Variants in SLC22A11 observed in about 807,000 individuals in gnomAD.
SLC22A11 encodes the protein solute carrier family 22 member 11, also known as organic anion transporter 4.
A neutral mutation model predicts 49.4 loss-of-function variants in SLC22A11; 42 were observed. That is an observed-to-expected ratio of 0.85 (90% CI 0.66 to 1.10). The LOEUF is 1.10. SLC22A11 is among the 50% of genes least tolerant of loss of function. SLC22A11 has a pLI of 0.00. For synonymous variants in SLC22A11, 304 were observed against 315.8 expected (o/e 0.96, Z 0.40); for missense variants, 685 against 731.6 (o/e 0.94, Z 0.74).
chr11:64,563,936 C>G (rs933600953), intron 4 of SLC22A11, among the ~76,000 whole-genome samples: 1 of 151,948 alleles, frequency 6.6e-6, no homozygotes, highest in African/African-American at 2.4e-5. Context: ...CAAAAAAACC[C>G]AGCACCAAGT....
In SLC22A11 at chr11:64,571,843, C is replaced by CCGAG. The variant is rs2038708439; in HGVS notation, c.*807_*810dup. ...GCATGGGGCGGGGTGCACTGAGGAT[C>CCGAG]CGAGCGAGCAGCCAGGGCTGCAGGA... is the stretch of plus-strand genomic sequence containing the variant. On this transcript the variant is annotated 3_prime_UTR_variant, in exon 10 of 10. Transcript: ENST00000301891. 3 of 152,474 alleles carry CCGAG rather than the reference C, an allele frequency of 2.0e-5. No individual in the cohort carries two copies. The South Asian group carries it at 6.2e-4, about 32-fold the overall frequency. The allele number at this position is 152,474 out of a possible 1,614,324, so 9.4% of individuals were successfully genotyped here. A position where few individuals can be genotyped will look rare whatever the true frequency, so the allele number is the denominator to read the frequency against.
Position 64,567,606 on chromosome 11 carries a change from C to G in SLC22A11, c.1066C>G (p.Leu356Val). The change falls in exon 7 of 10, where the codon CTA (leucine) becomes GTA (valine). Residue 356 changes from leucine to valine, a missense_variant. Coordinates refer to ENST00000301891, the MANE Select transcript of SLC22A11 (RefSeq NM_018484.4). ...SCAMLVVNFS[L>V]LISYYGLVFD... The stretch of plus-strand genomic sequence containing the variant: ...TTCCAGCCTTGCCCGCAGTTTCTCT[C>G]TATTGATCTCCTACTATGGGCTGGT... 1 of 1,614,024 alleles carries G rather than the reference C, an allele frequency of 6.2e-7. No homozygotes were observed. Among genetic ancestry groups the G allele is most frequent in the Non-Finnish European group, 8.5e-7 (1 of 1,180,002 alleles).
intron 2 of SLC22A11, among the ~76,000 whole-genome samples, chr11:64,561,602 A>AATTTATTTATTTATTTATTTATTTATTT (rs35789932): frequency 6.9e-6 from 1 of 144,862 alleles, no homozygotes; most frequent in Non-Finnish European, 1.5e-5. Flanking sequence ...ACACCTGGCT[A>AATTTATTTATTTATTTATTTATTTATTT]ATTTATTTAT....
In SLC22A11 at chr11:64,568,744, A is replaced by G. The variant is rs776152077; in HGVS notation, c.1348A>G (p.Ile450Val). The G allele has an allele frequency of 5.0e-6, 8 of 1,613,754 alleles. No individual in the cohort carries two copies. The Admixed American group carries it at 1.2e-4, about 24-fold the overall frequency. Residue 450 changes from isoleucine (I) to valine (V), a missense_variant, in exon 8 of 10, where the codon ATC (isoleucine) becomes GTC (valine). Coordinates refer to ENST00000301891, the MANE Select transcript of SLC22A11 (RefSeq NM_018484.4). Reference sequence around the variant, plus strand: ...TGGGATAAGCCTAACCTGCCTCACCATCTACAAGGCTGAACTCTTTCCAAC... The same window carrying G: ...TGGGATAAGCCTAACCTGCCTCACCGTCTACAAGGCTGAACTCTTTCCAAC... Reference protein sequence around the residue: ...CFGISLTCLTIYKAELFPTPV... With the variant: ...CFGISLTCLTVYKAELFPTPV...
chr11:64,565,417 G>T lies in SLC22A11; in HGVS notation c.1058+80G>T, dbSNP rs767996871. On this transcript the variant is annotated intron_variant, in intron 6 of 9. Coordinates refer to ENST00000301891, the MANE Select transcript of SLC22A11 (RefSeq NM_018484.4). The surrounding 1 kb of genome is among the most constrained non-coding windows in gnomAD (Gnocchi z 4.1). ...AGCTGGGACAGGCAGGAGGCAGAGCGTCCAGGGGAAACAGCACCCGCAGGC... is the reference window on the plus strand; with the variant it reads ...AGCTGGGACAGGCAGGAGGCAGAGCTTCCAGGGGAAACAGCACCCGCAGGC... The T allele has an allele frequency of 8.1e-7, 1 of 1,227,184 alleles. No homozygotes were observed. The highest frequency in any genetic ancestry group is 1.3e-5 in the South Asian group (1 of 77,338). 76.0% of individuals were successfully genotyped at this position (1,227,184 alleles called of 1,614,324 possible). A position where few individuals can be genotyped will look rare whatever the true frequency, so the allele number is the denominator to read the frequency against.
intron 8 of SLC22A11, among the ~76,000 whole-genome samples, chr11:64,569,239 G>A (rs912190625): frequency 6.6e-6 from 1 of 152,190 alleles, no homozygotes; most frequent in Non-Finnish European, 1.5e-5. Flanking sequence ...TGAAGGACTG[G>A]CTCAGCAGAA....
intron 9 of SLC22A11, among the ~76,000 whole-genome samples, chr11:64,570,309 A>T (rs190432869): frequency 1.3e-5 from 2 of 152,374 alleles, no homozygotes; most frequent in East Asian, 3.9e-4. Flanking sequence ...CTCAGAGAAC[A>T]GATGGTGCCA....
rs2038587648 is a variant in SLC22A11 at position 64,564,008 on chromosome 11, C to A, written c.822-300C>A. On this transcript the variant is annotated intron_variant, in intron 4 of 9. Coordinates refer to ENST00000301891, the MANE Select transcript of SLC22A11 (RefSeq NM_018484.4). The surrounding 1 kb of genome is among the most constrained non-coding windows in gnomAD (Gnocchi z 4.2). Reference sequence around the variant, plus strand: ...GTGAAGCAGCCAACTCTAGGGACACCCATGCCCAGGCCACCTGTGCCCTGG... The same window carrying A: ...GTGAAGCAGCCAACTCTAGGGACACACATGCCCAGGCCACCTGTGCCCTGG... Among the ~76,000 whole-genome samples the A allele has an allele frequency of 6.6e-6, 1 of 152,132 alleles. No individual in the cohort carries two copies. Among genetic ancestry groups the A allele is most frequent in the Admixed American group, 6.5e-5 (1 of 15,288 alleles).
chr11:64,572,628 G>A lies in SLC22A11; in HGVS notation c.*1586G>A, dbSNP rs115812004. ...CACACCACGGTTGTAGCTCCAAACTGGTCCCTGATGTCTACATTGCACTCT... is the reference window on the plus strand; with the variant it reads ...CACACCACGGTTGTAGCTCCAAACTAGTCCCTGATGTCTACATTGCACTCT... On this transcript the variant is annotated 3_prime_UTR_variant, in exon 10 of 10. Transcript: ENST00000301891. The A allele has an allele frequency of 7.8e-3, 1,184 of 152,264 alleles. 13 individuals carry two copies. Among genetic ancestry groups the A allele is most frequent in the African/African-American group, 0.026 (1,063 of 41,512 alleles). 9.4% of individuals were successfully genotyped at this position (152,264 alleles called of 1,614,324 possible).
Position 64,562,436 on chromosome 11 carries a change from G to T in SLC22A11, c.821+1G>T. 2 of 1,572,254 alleles carry T rather than the reference G, an allele frequency of 1.3e-6. No individual in the cohort carries two copies. The highest frequency in any genetic ancestry group is 8.6e-7 in the Non-Finnish European group (1 of 1,158,066). The stretch of plus-strand genomic sequence containing the variant: ...TCTTTGCCATCTCCCTGATATCCTG[G>T]TCAGTATGATGTGGGACCTTTTCCT... On this transcript the variant is annotated splice_donor_variant, in intron 4 of 9. Transcript: ENST00000301891. LOFTEE classifies it high-confidence loss of function. This position sits in a 1 kb window ranked among gnomAD's most constrained non-coding sequence, Gnocchi z 4.4.
intron 7 of SLC22A11, 129 bp downstream of exon 7, chr11:64,567,942 G>A: frequency 1.0e-6 from 1 of 974,286 alleles, no homozygotes; most frequent in East Asian, 2.6e-5. Context: ...GAATGAGGGA[G>A]GCTATGAGGA....
At chr11:64,568,604 G>A (rs1236495086) in intron 7 of SLC22A11, 66 bp from the exon 8 acceptor site, 8 of 1,360,328 alleles carry the variant, frequency 5.9e-6, no homozygotes, top group African/African-American at 4.3e-5. Context: ...CTGGCTGGCC[G>A]CACACTGACT....
chr11:64,564,462 G>C lies in SLC22A11; in HGVS notation c.942+34G>C, dbSNP rs1262850188. 1 of 1,611,454 alleles carries C rather than the reference G, an allele frequency of 6.2e-7. No individual in the cohort carries two copies. The highest frequency in any genetic ancestry group is 1.7e-5 in the Admixed American group (1 of 59,888). On this transcript the variant is annotated intron_variant, in intron 5 of 9. Transcript: ENST00000301891. The surrounding 1 kb of genome is among the most constrained non-coding windows in gnomAD (Gnocchi z 4.2). ...CTGCTGTCTGCGAGACTTGACCTGGGACAGGACGTGCACTGAGGGATCATC... is the reference window on the plus strand; with the variant it reads ...CTGCTGTCTGCGAGACTTGACCTGGCACAGGACGTGCACTGAGGGATCATC...
intron 1 of SLC22A11, among the ~76,000 whole-genome samples, chr11:64,558,645 T>C (rs1407120877): frequency 6.6e-6 from 1 of 152,162 alleles, no homozygotes; most frequent in Non-Finnish European, 1.5e-5. Flanking sequence ...CTCTGCCACG[T>C]CCACCTGGCC....
At chr11:64,557,251 G>T (rs912526599) in intron 1 of SLC22A11, among the ~76,000 whole-genome samples, 1 of 152,240 alleles carries the variant, frequency 6.6e-6, no homozygotes, top group Admixed American at 6.5e-5. Flanking sequence ...ACACAGAGAG[G>T]TTAAGGGGCT....
chr11:64,568,832 C>T (rs866453080), intron 8 of SLC22A11, 54 bp downstream of exon 8: 9 of 1,505,904 alleles, frequency 6.0e-6, no homozygotes, highest in Middle Eastern at 3.5e-4. Flanking sequence ...CCTGAGAGGG[C>T]GGTGGGAAGG....
chr11:64,563,700 A>AAC (rs1264940100), intron 4 of SLC22A11, among the ~76,000 whole-genome samples: 7 of 147,294 alleles, frequency 4.8e-5, no homozygotes, highest in African/African-American at 1.7e-4. Flanking sequence ...CAGGTGGATC[A>AAC]CAAGGTCAGA....
rs2038592698 is a variant in SLC22A11 at position 64,564,310 on chromosome 11, G to A, written c.824G>A (p.Trp275Ter). The change falls in exon 5 of 10, where the codon TGG becomes TAG. Residue 275 changes from tryptophan (W) to a stop codon, truncating the protein, a stop_gained and splice_region_variant. Transcript: ENST00000301891. LOFTEE classifies it high-confidence loss of function. This position sits in a 1 kb window ranked among gnomAD's most constrained non-coding sequence, Gnocchi z 4.2. ...GCTACACACCTGCCTCCTTACAGGT[G>A]GCTGCCAGAATCCGCCCGGTGGCTG... ...PFFAISLISW[W>*]LPESARWLII... 1 of 1,613,908 alleles carries A rather than the reference G, an allele frequency of 6.2e-7. No homozygotes were observed. The highest frequency in any genetic ancestry group is 8.5e-7 in the Non-Finnish European group (1 of 1,179,990).
chr11:64,562,113 G>T lies in SLC22A11; in HGVS notation c.607G>T (p.Ala203Ser). 6.2e-7 allele frequency: 1 copy of T among 1,613,882 alleles called. No individual in the cohort carries two copies. The highest frequency in any genetic ancestry group is 8.5e-7 in the Non-Finnish European group (1 of 1,180,020). Residue 203 changes from alanine to serine, a missense_variant, in exon 3 of 10, where the codon GCC becomes TCC. By Grantham distance (99) the Ala-to-Ser change is moderately conservative. Coordinates refer to ENST00000301891, the MANE Select transcript of SLC22A11 (RefSeq NM_018484.4). This position sits in a 1 kb window ranked among gnomAD's most constrained non-coding sequence, Gnocchi z 4.4. ...FVIYCGLRFV[A>S]AFGMAGIFLS... ...CATCTACTGCGGCCTGCGGTTCGTGGCCGCTTTTGGGATGGCCGGCATCTT... is the reference window on the plus strand; with the variant it reads ...CATCTACTGCGGCCTGCGGTTCGTGTCCGCTTTTGGGATGGCCGGCATCTT...
Sources: allele counts gnomAD v4.1 joint callset (sites outside exome capture counted in the v4.1 genomes callset), GRCh38; gene constraint gnomAD v4.1.1; non-coding constraint Gnocchi (gnomAD v3.1); transcripts MANE v1.5; gene names NCBI Gene and HGNC (gene_info 2026-07-23, HGNC 2026-07-21).